MRTFA: variants seen among roughly 807,000 people sequenced by gnomAD.
MRTFA encodes the protein myocardin related transcription factor A.
Under a neutral mutation model 83.5 loss-of-function variants are expected in MRTFA, and 20 were observed. The observed-to-expected ratio is 0.24, with a 90% CI of 0.17 to 0.35. The LOEUF (loss-of-function observed/expected upper bound fraction) is 0.35. MRTFA is among the 10% of genes least tolerant of loss of function. The pLI is 1.00. For synonymous variants in MRTFA, 659 were observed against 541.2 expected, an observed-to-expected ratio of 1.22 and a Z score of -3.02; for missense variants, 1,200 against 1,224.7, an observed-to-expected ratio of 0.98 and a Z score of 0.30.
chr22:40,611,137 G>A (rs1602493554), intron 1 of MRTFA, among the ~76,000 whole-genome samples: 1 of 151,832 alleles, frequency 6.6e-6, no homozygotes, highest in African/African-American at 2.4e-5. Flanking sequence ...AGGGGTTTCA[G>A]CATGTTGGCC....
rs1225945380 is a variant in MRTFA at position 40,614,109 on chromosome 22, G to A, written c.-83-19374C>T. On this transcript the variant is annotated intron_variant, in intron 1 of 14. Coordinates refer to ENST00000355630, the MANE Select transcript of MRTFA (RefSeq NM_020831.6). ...CCCAGCTACTCGGGAGGCTGAGGCA[G>A]GAGAATCACTAGAATCTAGGCGGCA... Among the ~76,000 whole-genome samples the A allele has an allele frequency of 3.3e-5, 5 of 151,942 alleles. 1 individual carries two copies. In the East Asian group the frequency reaches 5.8e-4, roughly 18 times the overall value.
chr22:40,611,122 A>G (rs1018393032), intron 1 of MRTFA, among the ~76,000 whole-genome samples: 3 of 151,886 alleles, frequency 2.0e-5, no homozygotes, highest in Non-Finnish European at 4.4e-5. Context: ...TATTTTTAGT[A>G]GAGAAGGGGT....
intron 3 of MRTFA, chr22:40,519,526 CCTT>C (rs771510986): frequency 1.5e-6 from 2 of 1,350,774 alleles, no homozygotes; most frequent in African/African-American, 2.9e-5. Context: ...ACTCCAACCT[CCTT>C]GTGTCCAAAC....
chr22:40,414,935 C>CCA (rs150845662), intron 14 of MRTFA: 1 of 115,580 alleles, frequency 8.7e-6, no homozygotes, highest in Admixed American at 1.4e-4. Flanking sequence ...TGGGTTCTGG[C>CCA]CCCCCCTGTC....
chr22:40,492,666 C>A (rs1388328728), intron 3 of MRTFA, among the ~76,000 whole-genome samples: 1 of 152,138 alleles, frequency 6.6e-6, no homozygotes, highest in Non-Finnish European at 1.5e-5. Flanking sequence ...GAACAAGGAG[C>A]TATAACACAA....
intron 3 of MRTFA, among the ~76,000 whole-genome samples, chr22:40,543,182 T>C (rs1043211405): frequency 2.6e-5 from 4 of 152,196 alleles, no homozygotes; most frequent in African/African-American, 9.6e-5. Context: ...AAAACCATGC[T>C]TTCTGAGGAA....
At chr22:40,567,772 G>C (rs2055727426) in intron 2 of MRTFA, among the ~76,000 whole-genome samples, 1 of 152,178 alleles carries the variant, frequency 6.6e-6, no homozygotes, top group Non-Finnish European at 1.5e-5. Context: ...GTAGTTTGGG[G>C]GGAAAGGAAG....
At chr22:40,455,873 G>A (rs1026953734) in intron 4 of MRTFA, among the ~76,000 whole-genome samples, 3 of 151,334 alleles carry the variant, frequency 2.0e-5, no homozygotes, top group East Asian at 2.0e-4. Flanking sequence ...TCACTCTGTC[G>A]CCCAGACTGG....
intron 3 of MRTFA, among the ~76,000 whole-genome samples, chr22:40,467,280 T>C (rs1019685225): frequency 3.9e-5 from 6 of 152,200 alleles, no homozygotes; most frequent in African/African-American, 1.4e-4. Context: ...GAAAAAAGAC[T>C]GAAGCAGTAA....
At chr22:40,517,070 G>A (rs527729615) in intron 3 of MRTFA, among the ~76,000 whole-genome samples, 8 of 152,144 alleles carry the variant, frequency 5.3e-5, no homozygotes, top group Middle Eastern at 6.8e-3. Context: ...CTATAGGTGT[G>A]CACTGCCACG....
chr22:40,587,227 A>C (rs1478810906), intron 2 of MRTFA: 3 of 474,490 alleles, frequency 6.3e-6, no homozygotes, highest in Non-Finnish European at 1.3e-5. Context: ...GTGCCACACA[A>C]TTGTCTAACT....
intron 4 of MRTFA, among the ~76,000 whole-genome samples, chr22:40,438,995 A>G (rs546435319): frequency 1.1e-3 from 171 of 152,348 alleles, no homozygotes; most frequent in Non-Finnish European, 2.0e-3. Flanking sequence ...CCTGTTAGCT[A>G]ATTTAATATT....
intron 2 of MRTFA, among the ~76,000 whole-genome samples, chr22:40,580,858 C>T (rs552249304): frequency 6.6e-6 from 1 of 152,226 alleles, no homozygotes; most frequent in South Asian, 2.1e-4. Flanking sequence ...AGCAATTGTC[C>T]CGTCTCATCC....
At chr22:40,587,479 C>T (rs1437795162) in intron 2 of MRTFA, 1 of 316,922 alleles carries the variant, frequency 3.2e-6, no homozygotes, top group Non-Finnish European at 6.1e-6. Flanking sequence ...TTGTATCACT[C>T]CAGGCTTAAG....
intron 1 of MRTFA, among the ~76,000 whole-genome samples, chr22:40,615,075 T>C (rs1249911630): frequency 6.6e-6 from 1 of 152,134 alleles, no homozygotes; most frequent in African/African-American, 2.4e-5. Context: ...TATGTCAAGG[T>C]CTCAAAGATT....
At chr22:40,435,981 A>G (rs2053162761) in intron 4 of MRTFA, among the ~76,000 whole-genome samples, 1 of 152,112 alleles carries the variant, frequency 6.6e-6, no homozygotes, top group Non-Finnish European at 1.5e-5. Flanking sequence ...AGTACTATAA[A>G]TATCAGTTGA....
In MRTFA at chr22:40,411,916, C is replaced by G. The variant is rs768401244; in HGVS notation, c.2579-9G>C. 1.4e-6 allele frequency: 2 copies of G among 1,480,922 alleles called. No homozygotes were observed. The highest frequency in any genetic ancestry group is 1.8e-6 in the Non-Finnish European group (2 of 1,114,398). 91.7% of individuals were successfully genotyped at this position (1,480,922 alleles called of 1,614,324 possible). On this transcript the variant is annotated splice_polypyrimidine_tract_variant and intron_variant, in intron 14 of 14. Transcript: ENST00000355630. ...GAAATCTGCTGAAATTTCTGCCAAT[C>G]AATCAAGAGAGTAAATGGATATCAG...
intron 2 of MRTFA, among the ~76,000 whole-genome samples, chr22:40,568,621 T>A (rs1237684069): frequency 3.9e-5 from 6 of 152,218 alleles, no homozygotes; most frequent in African/African-American, 1.4e-4. Context: ...AATTATATAT[T>A]TAAAGCTTTA....
intron 4 of MRTFA, among the ~76,000 whole-genome samples, chr22:40,456,739 C>A (rs1356213784): frequency 1.3e-5 from 2 of 152,232 alleles, no homozygotes; most frequent in Non-Finnish European, 1.5e-5. Flanking sequence ...CATTTTATAT[C>A]TTTATTATCA....
Sources: gnomAD v4.1 joint callset for allele counts (sites outside exome capture counted in the v4.1 genomes callset) on GRCh38, gnomAD v4.1.1 for gene constraint, MANE v1.5 for transcripts, NCBI Gene and HGNC (gene_info 2026-07-23, HGNC 2026-07-21) for gene names.